CORO1A: variants seen among roughly 807,000 people sequenced by gnomAD.
The protein encoded by CORO1A is coronin 1A, also known as coronin-1A.
A neutral mutation model predicts 44.1 loss-of-function variants in CORO1A; 17 were observed. The observed-to-expected ratio is 0.39, with a 90% confidence interval of 0.26 to 0.58. The LOEUF (loss-of-function observed/expected upper bound fraction) is 0.58, where lower values mean the gene tolerates loss of function less well. CORO1A is among the 20% of genes least tolerant of loss of function. The pLI, the probability that CORO1A is intolerant of heterozygous loss-of-function variation, is 0.62. For missense variants in CORO1A, 415 were observed against 606.5 expected, an observed-to-expected ratio of 0.68 and a Z score of 3.32; for synonymous variants, 271 against 244.2, an observed-to-expected ratio of 1.11 and a Z score of -1.02.
In CORO1A at chr16:30,186,852, C is replaced by T. The variant is rs545835245; in HGVS notation, c.358C>T (p.Leu120=). 21 of 1,611,836 alleles carry T rather than the reference C, an allele frequency of 1.3e-5. No individual in the cohort carries two copies. In the South Asian group the frequency reaches 2.2e-4, roughly 17 times the overall value. ...EIPDGGLMLP[L]REPVVTLEGH... Reference sequence around the variant, plus strand: ...CCCAGATGGGGGCCTGATGCTGCCCCTGCGGGAGCCCGTCGTCACCCTGGA... The same window carrying T: ...CCCAGATGGGGGCCTGATGCTGCCCTTGCGGGAGCCCGTCGTCACCCTGGA... Residue 120 remains leucine (L), a synonymous_variant, in exon 4 of 11, where the codon CTG becomes TTG. Coordinates refer to ENST00000219150, the MANE Select transcript of CORO1A (RefSeq NM_007074.4).
At position 30,187,773 on chromosome 16, in the gene CORO1A, G is replaced by A; in HGVS notation, c.805G>A (p.Gly269Ser). 1.2e-6 allele frequency: 2 copies of A among 1,611,192 alleles called. No individual in the cohort carries two copies. Among genetic ancestry groups the A allele is most frequent in the Non-Finnish European group, 1.7e-6 (2 of 1,179,570 alleles). ...CCTGCAGGAGCTGGACACCAGCAGC[G>A]GTGTCCTGCTGCCCTTCTTTGACCC... ...LSLQELDTSS[G>S]VLLPFFDPDT... Residue 269 changes from glycine to serine, a missense_variant, in exon 7 of 11, where the codon GGT becomes AGT. Physicochemically the swap from Gly to Ser is moderately conservative, Grantham distance 56. This residue lies in a region of CORO1A where 325 missense variants were observed against 521.7 expected (regional missense o/e 0.62). Coordinates refer to ENST00000219150, the MANE Select transcript of CORO1A (RefSeq NM_007074.4).
chr16:30,184,249 G>A lies in CORO1A; in HGVS notation c.-2+524G>A, dbSNP rs947585018. On this transcript the variant is annotated intron_variant, in intron 1 of 10. Transcript: ENST00000219150. This position sits in a 1 kb window ranked among gnomAD's most constrained non-coding sequence, Gnocchi z 4.3. Reference sequence around the variant, plus strand: ...AGATACAGGCTGCTCCTCAAGACTGGGGCTCTTCACATACGCTCCTCACCG... The same window carrying A: ...AGATACAGGCTGCTCCTCAAGACTGAGGCTCTTCACATACGCTCCTCACCG... The A allele has an allele frequency of 1.3e-5, 2 of 152,144 alleles. No individual in the cohort carries two copies. The highest frequency in any genetic ancestry group is 4.8e-5 in the African/African-American group (2 of 41,368). The allele number at this position is 152,144 out of a possible 1,614,324, so 9.4% of individuals were successfully genotyped here.
At chr16:30,185,098 G>A (rs2073318176) in intron 1 of CORO1A, 111 bp from the exon 2 acceptor site, 4 of 1,036,986 alleles carry the variant, frequency 3.9e-6, no homozygotes, top group Non-Finnish European at 5.9e-6. Flanking sequence ...CCCTGGAGAT[G>A]ATGCTGGGAC....
chr16:30,185,576 C>T, intron 2 of CORO1A, 169 bp downstream of exon 2: 1 of 634,348 alleles, frequency 1.6e-6, no homozygotes, highest in Non-Finnish European at 2.7e-6. Context: ...TGTGCTGTGG[C>T]TGTGTGGAAA....
intron 2 of CORO1A, chr16:30,186,230 C>G: frequency 2.8e-6 from 1 of 351,812 alleles, no homozygotes; most frequent in Non-Finnish European, 5.5e-6. Flanking sequence ...TCCACCCCCC[C>G]AGCCCCCATA....
chr16:30,188,645 A>C, intron 10 of CORO1A, 69 bp downstream of exon 10: 2 of 1,194,128 alleles, frequency 1.7e-6, no homozygotes, highest in Non-Finnish European at 2.4e-6. Context: ...GGGGCACCTC[A>C]AACTCACAAC....
chr16:30,188,517 C>T lies in CORO1A; in HGVS notation c.1222C>T (p.Arg408Trp), dbSNP rs373093101. 40 of 1,499,360 alleles carry T rather than the reference C, an allele frequency of 2.7e-5. No individual in the cohort carries two copies. Among genetic ancestry groups the T allele is most frequent in the South Asian group, 4.5e-5 (4 of 89,680 alleles). 92.9% of individuals were successfully genotyped at this position (1,499,360 alleles called of 1,614,324 possible). ...PPKSRELRVNRGLDTGRRRAA... is the reference protein window; with the variant it reads ...PPKSRELRVNWGLDTGRRRAA... ...AAAGAGCCGGGAGCTGAGGGTCAAC[C>T]GGGGCCTGGACACCGGGCGCAGGAG... Residue 408 changes from arginine to tryptophan, a missense_variant, in exon 10 of 11, where the codon CGG becomes TGG. This residue lies in a region of CORO1A where 90 missense variants were observed against 84.7 expected (regional missense o/e 1.06). Coordinates refer to ENST00000219150, the MANE Select transcript of CORO1A (RefSeq NM_007074.4).
In CORO1A at chr16:30,186,960, G is replaced by A. The variant is rs779998397; in HGVS notation, c.451+15G>A. On this transcript the variant is annotated intron_variant, in intron 4 of 10. Coordinates refer to ENST00000219150, the MANE Select transcript of CORO1A (RefSeq NM_007074.4). ...GCTCAGTGCAGGTGCTGCGGGAGGA[G>A]GGGCTTGGGGGTGGCTCGTGGCCTG... is the stretch of plus-strand genomic sequence containing the variant. 1.2e-6 allele frequency: 2 copies of A among 1,612,890 alleles called. No individual in the cohort carries two copies. The highest frequency in any genetic ancestry group is 8.5e-7 in the Non-Finnish European group (1 of 1,179,904).
intron 2 of CORO1A, 28 bp downstream of exon 2, chr16:30,185,435 A>G (rs750097819): frequency 3.1e-6 from 5 of 1,598,632 alleles, no homozygotes; most frequent in Non-Finnish European, 4.3e-6. Flanking sequence ...TGGGGGGAGC[A>G]GCTCCTCCAC....
chr16:30,183,665 C>CAA lies in CORO1A; in HGVS notation c.-62_-61insAA, dbSNP rs2073299519. ...CCCCGGCTCCTCCAGCTCCTTCCTC[C>CAA]TCTTCCTCCTCCTCCTCCACCTCCG... On this transcript the variant is annotated 5_prime_UTR_variant, in exon 1 of 11. Coordinates refer to ENST00000219150, the MANE Select transcript of CORO1A (RefSeq NM_007074.4). This position sits in a 1 kb window ranked among gnomAD's most constrained non-coding sequence, Gnocchi z 5.0. 2 of 156,232 alleles carry CAA rather than the reference C, an allele frequency of 1.3e-5. No homozygotes were observed. Among genetic ancestry groups the CAA allele is most frequent in the Admixed American group, 6.5e-5 (1 of 15,382 alleles). 9.7% of individuals were successfully genotyped at this position (156,232 alleles called of 1,614,324 possible).
At chr16:30,187,890 G>T in intron 7 of CORO1A, 52 bp from the exon 8 acceptor site, 1 of 1,612,144 alleles carries the variant, frequency 6.2e-7, no homozygotes, top group Non-Finnish European at 8.5e-7. Context: ...AGAGGGCCAG[G>T]GCAGTGGGCA....
At chr16:30,186,479 C>G in intron 2 of CORO1A, 119 bp from the exon 3 acceptor site, 2 of 1,296,726 alleles carry the variant, frequency 1.5e-6, no homozygotes, top group South Asian at 2.4e-5. Context: ...ACCCCAGGCC[C>G]TGGTCCAGCT....
In CORO1A at chr16:30,186,813, C is replaced by T; in HGVS notation, c.322-3C>T. ...TGAAGACTCACTGGCCCCTCCTCTG[C>T]AGGTGTGGGAGATCCCAGATGGGGG... is the stretch of plus-strand genomic sequence containing the variant. On this transcript the variant is annotated splice_polypyrimidine_tract_variant and splice_region_variant and intron_variant, in intron 3 of 10. Transcript: ENST00000219150. 1 of 1,610,372 alleles carries T rather than the reference C, an allele frequency of 6.2e-7. No individual in the cohort carries two copies. The highest frequency in any genetic ancestry group is 8.5e-7 in the Non-Finnish European group (1 of 1,179,976).
At chr16:30,185,473 AT>A in intron 2 of CORO1A, 66 bp downstream of exon 2, 1 of 1,460,368 alleles carries the variant, frequency 6.8e-7, no homozygotes, top group Non-Finnish European at 9.4e-7. Flanking sequence ...GCAGGTCCTG[AT>A]TAGGTGACGG....
In CORO1A at chr16:30,183,912, A is replaced by T. The variant is rs1400669100; in HGVS notation, c.-2+187A>T. 2 of 151,836 alleles carry T rather than the reference A, an allele frequency of 1.3e-5. No homozygotes were observed. Among genetic ancestry groups the T allele is most frequent in the African/African-American group, 4.8e-5 (2 of 41,314 alleles). 9.4% of individuals were successfully genotyped at this position (151,836 alleles called of 1,614,324 possible). A position where few individuals can be genotyped will look rare whatever the true frequency, so the allele number is the denominator to read the frequency against. On this transcript the variant is annotated intron_variant, in intron 1 of 10. Coordinates refer to ENST00000219150, the MANE Select transcript of CORO1A (RefSeq NM_007074.4). The surrounding 1 kb of genome is among the most constrained non-coding windows in gnomAD (Gnocchi z 5.0). ...TTGGAGTGGGGGCCGCCGGGGCCCC[A>T]GAGCGCTCTGCGGAGGCGAGGGCTA... is the stretch of plus-strand genomic sequence containing the variant.
chr16:30,187,860 G>C, intron 7 of CORO1A, 31 bp downstream of exon 7: 2 of 1,572,694 alleles, frequency 1.3e-6, no homozygotes, highest in Non-Finnish European at 1.7e-6. Flanking sequence ...GGGGGTGGGA[G>C]GTGGGCAGGA....
rs779427647 is a variant in CORO1A, at chr16:30,185,410, G to T, written c.198+3G>T. 3 of 1,612,526 alleles carry T rather than the reference G, an allele frequency of 1.9e-6. No individual in the cohort carries two copies. The Admixed American group carries it at 5.0e-5, about 27-fold the overall frequency. On this transcript the variant is annotated splice_donor_region_variant and intron_variant, in intron 2 of 10. Transcript: ENST00000219150. Reference sequence around the variant, plus strand: ...TCCTGGTGCTGCCCCTGGGCAAGGTGAGCCCCTGGGGCCCTGGGGGGAGCA... The same window carrying T: ...TCCTGGTGCTGCCCCTGGGCAAGGTTAGCCCCTGGGGCCCTGGGGGGAGCA...
Position 30,189,048 on chromosome 16 carries a change from T to C in CORO1A, c.*84T>C. 6 of 132,112 alleles carry C rather than the reference T, an allele frequency of 4.5e-5. No individual in the cohort carries two copies. Among genetic ancestry groups the C allele is most frequent in the Non-Finnish European group, 7.8e-5 (6 of 76,524 alleles). The allele number at this position is 132,112 out of a possible 1,614,324, so 8.2% of individuals were successfully genotyped here. On this transcript the variant is annotated 3_prime_UTR_variant, in exon 11 of 11. Transcript: ENST00000219150. ...CCCAGCCACATGGCAGAGAAAAAAA[T>C]CATAATAAAATGGCTTTATTTTCTG...
intron 1 of CORO1A, 23 bp from the exon 2 acceptor site, chr16:30,185,186 G>A (rs1409891875): frequency 6.2e-7 from 1 of 1,612,450 alleles, no homozygotes; most frequent in Non-Finnish European, 8.5e-7. Context: ...AGGGAGAAAT[G>A]CTCTTATGCT....
Sources: gnomAD v4.1 joint callset for allele counts on GRCh38, gnomAD v4.1.1 for gene constraint, gnomAD v4.1.1 regional missense constraint, Gnocchi (gnomAD v3.1) non-coding constraint, MANE v1.5 for transcripts, NCBI Gene and HGNC (gene_info 2026-07-23, HGNC 2026-07-21) for gene names.